The following HEXB variants were observed in gnomAD, a reference collection of about 807,000 sequenced individuals.
HEXB encodes the protein hexosaminidase subunit beta.
HEXB carries 51 observed loss-of-function variants against 71.2 expected under a neutral mutation model. The ratio of observed to expected loss-of-function variants is 0.72; its 90% CI spans 0.57 to 0.90. The LOEUF (loss-of-function observed/expected upper bound fraction) is 0.90, where lower values mean the gene tolerates loss of function less well. Among genes scored for constraint, HEXB ranks in the 40% least tolerant of loss-of-function variants. HEXB has a pLI of 0.00. For synonymous variants in HEXB, 266 were observed against 249.3 expected, an observed-to-expected ratio of 1.07 and a Z score of -0.63; for missense variants, 617 against 677.0, an observed-to-expected ratio of 0.91 and a Z score of 0.98.
chr5:74,691,034 A>G (rs921759400), intron 2 of HEXB, among the ~76,000 whole-genome samples: 3 of 152,230 alleles, frequency 2.0e-5, no homozygotes, highest in Admixed American at 6.5e-5. Context: ...AAATTCCACA[A>G]AATGAAATGT....
At chr5:74,708,121 G>C (rs1183015973) in intron 6 of HEXB, among the ~76,000 whole-genome samples, 1 of 152,106 alleles carries the variant, frequency 6.6e-6, no homozygotes, top group African/African-American at 2.4e-5. Context: ...CCAGAAGACA[G>C]TGGGGGCCAA....
intron 1 of HEXB, among the ~76,000 whole-genome samples, chr5:74,670,149 T>G (rs2112100889): frequency 6.6e-6 from 1 of 152,266 alleles, no homozygotes; most frequent in Non-Finnish European, 1.5e-5. Flanking sequence ...ATCCCCACCC[T>G]TCACCTATTT....
intron 6 of HEXB, chr5:74,706,176 G>A (rs1749383109): frequency 1.3e-5 from 2 of 152,338 alleles, no homozygotes; most frequent in South Asian, 4.1e-4. Flanking sequence ...CCATCCTGTT[G>A]TTTTGAATAA....
intron 5 of HEXB, among the ~76,000 whole-genome samples, chr5:74,704,269 G>A (rs1749328106): frequency 6.6e-6 from 1 of 152,158 alleles, no homozygotes; most frequent in Non-Finnish European, 1.5e-5. Context: ...CCCCTTGTAT[G>A]TAAAAGATGT....
At chr5:74,704,369 TG>T (rs1380842227) in intron 5 of HEXB, among the ~76,000 whole-genome samples, 1 of 152,116 alleles carries the variant, frequency 6.6e-6, no homozygotes, top group African/African-American at 2.4e-5. Context: ...TCTCCCTTAT[TG>T]TTTTTCATCT....
At chr5:74,684,631 T>C (rs1330522179), upstream of HEXB, among the ~76,000 whole-genome samples, 2 of 151,624 alleles carry the variant, frequency 1.3e-5, no homozygotes, top group Non-Finnish European at 1.5e-5. Context: ...GGTGTCGGCC[T>C]GGCGTCCCGA....
At chr5:74,712,568 T>C (rs1232533996) in intron 6 of HEXB, among the ~76,000 whole-genome samples, 2 of 152,208 alleles carry the variant, frequency 1.3e-5, no homozygotes, top group South Asian at 2.1e-4. Flanking sequence ...GGTGAGTTAA[T>C]ATGTCTAGTA....
Position 74,698,146 on chromosome 5 carries a change from C to T in HEXB, c.669+1040C>T, listed in dbSNP as rs187825697. ...AGGCTGGAGTGCAATGGCGCGATCT[C>T]GGCTCACTGCAACCTCTGCCTGACA... On this transcript the variant is annotated intron_variant, in intron 5 of 13. Transcript: ENST00000261416. 8.6e-3 allele frequency among the ~76,000 whole-genome samples: 1,304 copies of T among 151,654 alleles called. 25 individuals are homozygous for T. Among genetic ancestry groups the T allele is most frequent in the African/African-American group, 0.029 (1,220 of 41,406 alleles).
chr5:74,695,835 C>T (rs1223313670), intron 3 of HEXB, among the ~76,000 whole-genome samples: 11 of 99,520 alleles, frequency 1.1e-4, no homozygotes, highest in African/African-American at 3.6e-4. Flanking sequence ...AGCAAGACTC[C>T]GTCTAAAAAA....
At chr5:74,643,654 A>G (rs1035759980) in intron 1 of HEXB, among the ~76,000 whole-genome samples, 3 of 152,224 alleles carry the variant, frequency 2.0e-5, no homozygotes, top group Non-Finnish European at 4.4e-5. Context: ...AATAAGCAGC[A>G]TGCGGTTAAA....
chr5:74,658,360 A>G (rs1748257534), intron 1 of HEXB, among the ~76,000 whole-genome samples: 1 of 152,232 alleles, frequency 6.6e-6, no homozygotes, highest in South Asian at 2.1e-4. Context: ...TGCATGGTAA[A>G]GAATTTCGCC....
chr5:74,682,656 T>C (rs1364781792), upstream of HEXB, among the ~76,000 whole-genome samples: 1 of 152,256 alleles, frequency 6.6e-6, no homozygotes, highest in African/African-American at 2.4e-5. Context: ...TGATTGAATC[T>C]TGGAAACATT....
At chr5:74,695,892 T>C (rs751890635) in intron 3 of HEXB, among the ~76,000 whole-genome samples, 4 of 151,746 alleles carry the variant, frequency 2.6e-5, no homozygotes, top group Non-Finnish European at 4.4e-5. Context: ...AGTGACTAGA[T>C]TTCTAGTCCA....
chr5:74,697,120 T>A lies in HEXB; in HGVS notation c.669+14T>A. ...CTTAAAACTCTGGTAAGTAATTACT[T>A]CATTCTAATCTGTTGTCTATTCTGA... On this transcript the variant is annotated intron_variant, in intron 5 of 13. Transcript: ENST00000261416. 1 of 1,095,812 alleles carries A rather than the reference T, an allele frequency of 9.1e-7. No individual in the cohort carries two copies. Among genetic ancestry groups the A allele is most frequent in the Non-Finnish European group, 1.4e-6 (1 of 708,362 alleles). The allele number at this position is 1,095,812 out of a possible 1,614,324, so 67.9% of individuals were successfully genotyped here. A position where few individuals can be genotyped will look rare whatever the true frequency, so the allele number is the denominator to read the frequency against.
At chr5:74,720,827 T>A in intron 13 of HEXB, 80 bp downstream of exon 13, 4 of 1,113,284 alleles carry the variant, frequency 3.6e-6, no homozygotes, top group Non-Finnish European at 4.1e-6. Flanking sequence ...TAGAAATGTA[T>A]GTTACCTAAC....
chr5:74,701,129 T>A (rs1355110992), intron 5 of HEXB, among the ~76,000 whole-genome samples: 1 of 151,872 alleles, frequency 6.6e-6, no homozygotes, highest in Non-Finnish European at 1.5e-5. Flanking sequence ...GCGATCCACC[T>A]GCCTTGGCCT....
chr5:74,700,702 TTTTA>T (rs1271841334), intron 5 of HEXB, among the ~76,000 whole-genome samples: 2 of 152,126 alleles, frequency 1.3e-5, no homozygotes, highest in Admixed American at 6.5e-5. Flanking sequence ...GACATTTACA[TTTTA>T]TTTATTTATT....
chr5:74,715,423 TA>T, intron 7 of HEXB, 86 bp from the exon 8 acceptor site: 2 of 902,618 alleles, frequency 2.2e-6, no homozygotes, highest in South Asian at 1.4e-5. Context: ...GTAGCTTCAA[TA>T]AAATGACGTA....
At chr5:74,659,404 T>C (rs1476057510) in intron 1 of HEXB, among the ~76,000 whole-genome samples, 6 of 152,214 alleles carry the variant, frequency 3.9e-5, no homozygotes, top group African/African-American at 1.4e-4. Flanking sequence ...GGGCTGATCC[T>C]GGAGGAGACA....
Sources: allele counts gnomAD v4.1 joint callset (sites outside exome capture counted in the v4.1 genomes callset), GRCh38; gene constraint gnomAD v4.1.1; transcripts MANE v1.5; gene names NCBI Gene and HGNC (gene_info 2026-07-23, HGNC 2026-07-21).